The following VMP1 variants were observed in gnomAD, a reference collection of about 807,000 sequenced individuals.
VMP1 encodes the protein vacuole membrane protein 1, also known as ectopic P-granules autophagy protein 3 homolog.
Under a neutral mutation model 56.0 loss-of-function variants are expected in VMP1, and 11 were observed. The ratio of observed to expected loss-of-function variants is 0.20; its 90% CI spans 0.12 to 0.32. The LOEUF is 0.32. Ranked by LOEUF, VMP1 falls within the 10% of genes least tolerant of loss-of-function variation. The pLI, the probability that VMP1 is intolerant of heterozygous loss-of-function variation, is 1.00. For synonymous variants in VMP1, 149 were observed against 165.0 expected, an observed-to-expected ratio of 0.90 and a Z score of 0.74; for missense variants, 296 against 490.3, an observed-to-expected ratio of 0.60 and a Z score of 3.74.
At chr17:59,772,552 T>TA (rs1025362816) in intron 6 of VMP1, among the ~76,000 whole-genome samples, 9 of 151,788 alleles carry the variant, frequency 5.9e-5, no homozygotes, top group African/African-American at 2.2e-4. Flanking sequence ...GTGAATCACC[T>TA]AAAGTCAGGA....
intron 1 of VMP1, among the ~76,000 whole-genome samples, chr17:59,729,273 A>G (rs2034725382): frequency 6.6e-6 from 1 of 152,124 alleles, no homozygotes; most frequent in Non-Finnish European, 1.5e-5. Flanking sequence ...TCACAAGGTC[A>G]GGAGTACAAG....
chr17:59,786,761 T>G (rs1050253859), intron 7 of VMP1, among the ~76,000 whole-genome samples: 1 of 152,216 alleles, frequency 6.6e-6, no homozygotes, highest in African/African-American at 2.4e-5. Flanking sequence ...CATTAAGCTT[T>G]GCAGTAACTG....
chr17:59,736,674 G>A (rs993844996), intron 3 of VMP1, among the ~76,000 whole-genome samples: 2 of 150,872 alleles, frequency 1.3e-5, no homozygotes, highest in African/African-American at 2.4e-5. Context: ...AACCCAGGAG[G>A]TGGAAGTTGC....
At chr17:59,735,216 G>C (rs914328630) in intron 2 of VMP1, 122 bp from the exon 3 acceptor site, 1 of 1,314,196 alleles carries the variant, frequency 7.6e-7, no homozygotes, top group East Asian at 2.5e-5. Flanking sequence ...TTTTTCACAA[G>C]ACTCTAGGAC....
At chr17:59,828,109 CCAAT>C (rs2038700053) in intron 10 of VMP1, among the ~76,000 whole-genome samples, 1 of 151,936 alleles carries the variant, frequency 6.6e-6, no homozygotes, top group South Asian at 2.1e-4. Flanking sequence ...GTTTTGGCAA[CCAAT>C]CAGTTTTACC....
chr17:59,795,708 AT>A (rs2037415973), intron 7 of VMP1, among the ~76,000 whole-genome samples: 1 of 151,992 alleles, frequency 6.6e-6, no homozygotes, highest in South Asian at 2.1e-4. Flanking sequence ...AAAATCTCTT[AT>A]TTTCGTTGTA....
chr17:59,827,291 A>G (rs142469976), intron 10 of VMP1, among the ~76,000 whole-genome samples: 3 of 151,674 alleles, frequency 2.0e-5, no homozygotes, highest in East Asian at 2.0e-4. Flanking sequence ...TGTCCTGCCA[A>G]TACTATCACT....
intron 7 of VMP1, among the ~76,000 whole-genome samples, chr17:59,807,763 C>T (rs1480807115): frequency 1.4e-5 from 2 of 142,544 alleles, no homozygotes; most frequent in African/African-American, 5.2e-5. Flanking sequence ...ACCCAGGAGG[C>T]GGAGGTTCCA....
intron 7 of VMP1, among the ~76,000 whole-genome samples, chr17:59,798,289 G>T (rs1259232411): frequency 6.6e-6 from 1 of 152,140 alleles, no homozygotes; most frequent in Non-Finnish European, 1.5e-5. Flanking sequence ...TCTGAAATGT[G>T]TGGTGTTCAC....
chr17:59,728,795 T>C (rs1351992317), intron 1 of VMP1, among the ~76,000 whole-genome samples: 1 of 152,192 alleles, frequency 6.6e-6, no homozygotes, highest in African/African-American at 2.4e-5. Flanking sequence ...CTGGTGACTA[T>C]TCTTAAACAG....
chr17:59,742,733 T>G (rs1442137711), intron 5 of VMP1, among the ~76,000 whole-genome samples: 1 of 151,980 alleles, frequency 6.6e-6, no homozygotes, highest in Non-Finnish European at 1.5e-5. Context: ...CAAGTGAAGC[T>G]TCATCTGTAT....
At chr17:59,804,310 C>T (rs991423450) in intron 7 of VMP1, among the ~76,000 whole-genome samples, 8 of 151,906 alleles carry the variant, frequency 5.3e-5, no homozygotes, top group African/African-American at 1.9e-4. Flanking sequence ...ATACATGTGG[C>T]TTTGAAAGTA....
At chr17:59,786,200 T>A (rs2037002005) in intron 7 of VMP1, among the ~76,000 whole-genome samples, 1 of 152,200 alleles carries the variant, frequency 6.6e-6, no homozygotes, top group Admixed American at 6.5e-5. Flanking sequence ...CTAGCGAACA[T>A]CCCTTTTCAA....
At chr17:59,829,928 T>G (rs1198251561) in intron 10 of VMP1, among the ~76,000 whole-genome samples, 3 of 152,240 alleles carry the variant, frequency 2.0e-5, no homozygotes, top group African/African-American at 7.2e-5. Context: ...TCTACTCCTG[T>G]GCTCCTGGGC....
At chr17:59,757,290 TAGA>T (rs2035879130) in intron 5 of VMP1, among the ~76,000 whole-genome samples, 1 of 148,144 alleles carries the variant, frequency 6.8e-6, no homozygotes, top group South Asian at 2.1e-4. Flanking sequence ...GATAGATAGA[TAGA>T]TGTGGTTTTG....
intron 10 of VMP1, among the ~76,000 whole-genome samples, chr17:59,823,661 G>T (rs1386114988): frequency 1.3e-5 from 2 of 151,808 alleles, no homozygotes; most frequent in Non-Finnish European, 2.9e-5. Context: ...TAAGGCAGGA[G>T]AATGACGTGA....
intron 7 of VMP1, among the ~76,000 whole-genome samples, chr17:59,778,384 CA>C (rs990598252): frequency 5.3e-5 from 8 of 150,146 alleles, no homozygotes; most frequent in Non-Finnish European, 1.5e-5. Flanking sequence ...ACTAAAAATA[CA>C]AAAAAAAATT....
chr17:59,746,787 C>A (rs1415029328), intron 5 of VMP1, among the ~76,000 whole-genome samples: 1 of 152,092 alleles, frequency 6.6e-6, no homozygotes, highest in East Asian at 1.9e-4. Context: ...TGATGGCTTA[C>A]GGAGAGTTGG....
chr17:59,841,230 G>T lies in VMP1; in HGVS notation c.*1319G>T. On this transcript the variant is annotated 3_prime_UTR_variant, in exon 12 of 12. Transcript: ENST00000262291. ...TCCTGCCTGACTGTCTGCTTGTTTT[G>T]CCTACCATCGTGACATCTCCATGGC... 1 of 460,230 alleles carries T rather than the reference G, an allele frequency of 2.2e-6. No individual in the cohort carries two copies. 28.5% of individuals were successfully genotyped at this position (460,230 alleles called of 1,614,324 possible). A position where few individuals can be genotyped will look rare whatever the true frequency, so the allele number is the denominator to read the frequency against.
Sources: gnomAD v4.1 joint callset for allele counts (sites outside exome capture counted in the v4.1 genomes callset) on GRCh38, gnomAD v4.1.1 for gene constraint, MANE v1.5 for transcripts, NCBI Gene and HGNC (gene_info 2026-07-23, HGNC 2026-07-21) for gene names.